UBAP2: variants seen among roughly 807,000 people sequenced by gnomAD.
The protein encoded by UBAP2 is ubiquitin associated protein 2.
A neutral mutation model predicts 139.6 loss-of-function variants in UBAP2; 75 were observed. That is an observed-to-expected ratio of 0.54 (90% confidence interval 0.45 to 0.65). The LOEUF (loss-of-function observed/expected upper bound fraction) is 0.65, where lower values mean the gene tolerates loss of function less well. Ranked by LOEUF, UBAP2 falls within the 30% of genes least tolerant of loss-of-function variation. The probability of loss-of-function intolerance (pLI) is 0.00; values close to 1 mark genes in which losing one functional copy is unlikely to be tolerated. For synonymous variants in UBAP2, 526 were observed against 526.2 expected, an observed-to-expected ratio of 1.00 and a Z score of 0.01; for missense variants, 1,368 against 1,369.6, an observed-to-expected ratio of 1.00 and a Z score of 0.02.
chr9:33,981,413 T>C, intron 6 of UBAP2, among the ~76,000 whole-genome samples: 1 of 150,618 alleles, frequency 6.6e-6, no homozygotes, highest in Non-Finnish European at 1.5e-5. Context: ...TGGAGTGTAG[T>C]GGCACAATCA....
chr9:33,926,943 G>A (rs1339217595), intron 21 of UBAP2, 46 bp downstream of exon 21: 10 of 1,587,516 alleles, frequency 6.3e-6, no homozygotes, highest in East Asian at 2.2e-5. Flanking sequence ...GCCAGCCCCC[G>A]AGGCCAGGGG....
At chr9:33,939,013 T>C (rs1824847008) in intron 16 of UBAP2, 2 of 392,506 alleles carry the variant, frequency 5.1e-6, no homozygotes, top group South Asian at 1.9e-5. Flanking sequence ...CACAAATATT[T>C]TTCTAAATGT....
chr9:34,003,291 A>G (rs536866755), intron 2 of UBAP2, among the ~76,000 whole-genome samples: 98 of 151,910 alleles, frequency 6.5e-4, no homozygotes, highest in Non-Finnish European at 1.3e-3. Flanking sequence ...TTGGCCACCC[A>G]AAGTGCTGGG....
chr9:34,021,831 A>G (rs180993832), intron 1 of UBAP2, among the ~76,000 whole-genome samples: 9 of 152,196 alleles, frequency 5.9e-5, no homozygotes, highest in Middle Eastern at 3.4e-3. Context: ...ATGGGGTCTC[A>G]ACTTGTTGGT....
chr9:33,968,231 T>C (rs906664408), intron 8 of UBAP2: 7 of 621,076 alleles, frequency 1.1e-5, no homozygotes, highest in East Asian at 7.8e-5. Context: ...ACCTAAACCC[T>C]CCATTGTAAA....
At chr9:33,936,757 T>G (rs1264839541) in intron 16 of UBAP2, among the ~76,000 whole-genome samples, 1 of 151,730 alleles carries the variant, frequency 6.6e-6, no homozygotes, top group Non-Finnish European at 1.5e-5. Flanking sequence ...TGCCAGTAAA[T>G]TAACAACTTA....
chr9:33,971,618 A>T, intron 8 of UBAP2, 33 bp downstream of exon 8: 2 of 1,234,332 alleles, frequency 1.6e-6, no homozygotes, highest in Non-Finnish European at 2.4e-6. Flanking sequence ...TCAAACATTT[A>T]AAACTCATCT....
At chr9:33,976,355 TA>T (rs1280939128) in intron 6 of UBAP2, among the ~76,000 whole-genome samples, 2 of 152,230 alleles carry the variant, frequency 1.3e-5, no homozygotes, top group African/African-American at 4.8e-5. Flanking sequence ...GATGAATGTT[TA>T]AAACATTAAG....
At chr9:34,009,806 CTTTTTTT>C (rs201452836) in intron 2 of UBAP2, among the ~76,000 whole-genome samples, 1 of 129,814 alleles carries the variant, frequency 7.7e-6, no homozygotes, top group Non-Finnish European at 1.7e-5. Flanking sequence ...CTTATATTTC[CTTTTTTT>C]TTTTTTTTTT....
At chr9:33,923,700 A>T in intron 24 of UBAP2, 95 bp downstream of exon 24, 1 of 1,366,358 alleles carries the variant, frequency 7.3e-7, no homozygotes, top group East Asian at 2.3e-5. Flanking sequence ...GAGTGGAATC[A>T]CAACCCTCCC....
In UBAP2 at chr9:34,002,987, C is replaced by G. The variant is rs555436254; in HGVS notation, c.100-4123G>C. Among the ~76,000 whole-genome samples, 34 of 152,180 alleles carry G rather than the reference C, an allele frequency of 2.2e-4. No individual in the cohort carries two copies. The East Asian group carries it at 6.2e-3, about 28-fold the overall frequency. On this transcript the variant is annotated intron_variant, in intron 2 of 28. Transcript: ENST00000379238. ...ACAGGCATAAACCACAGTGCCCGGC[C>G]TATATCTTTCTTACTCTGCAAATTT...
At chr9:33,997,230 T>C (rs1587633481) in intron 3 of UBAP2, 1 of 152,350 alleles carries the variant, frequency 6.6e-6, no homozygotes, top group African/African-American at 2.4e-5. Context: ...TAGCAAGAGA[T>C]ACTTGTTACT....
chr9:33,933,307 T>C (rs1028158490), intron 18 of UBAP2, among the ~76,000 whole-genome samples, 183 bp downstream of exon 18: 1 of 152,100 alleles, frequency 6.6e-6, no homozygotes, highest in African/African-American at 2.4e-5. Flanking sequence ...GCAGGCAAGG[T>C]TTCCATATCT....
intron 10 of UBAP2, 38 bp downstream of exon 10, chr9:33,960,788 A>G: frequency 1.3e-6 from 2 of 1,588,570 alleles, no homozygotes; most frequent in Admixed American, 3.7e-5. Context: ...TTCAAAAAAA[A>G]AAAAAAAGAA....
At chr9:34,018,992 C>T (rs1432162527) in intron 1 of UBAP2, among the ~76,000 whole-genome samples, 1 of 152,082 alleles carries the variant, frequency 6.6e-6, no homozygotes, top group Non-Finnish European at 1.5e-5. Flanking sequence ...CAAAATGTGA[C>T]ATATATACAC....
At chr9:33,924,399 G>A in intron 22 of UBAP2, 115 bp from the exon 23 acceptor site, 1 of 1,023,304 alleles carries the variant, frequency 9.8e-7, no homozygotes, top group South Asian at 1.4e-5. Flanking sequence ...CCATGCCTGA[G>A]AGCCAGCAGT....
chr9:33,927,934 G>A lies in UBAP2; in HGVS notation c.2234C>T (p.Ala745Val), dbSNP rs759555018. Residue 745 changes from alanine to valine, a missense_variant, in exon 20 of 29, where the codon GCG (alanine) becomes GTG (valine). Physicochemically the swap from Ala to Val is moderately conservative, Grantham distance 64. Coordinates refer to ENST00000379238, the MANE Select transcript of UBAP2 (RefSeq NM_001370062.2). ...GGATGCGGAACTTGAGACGGAGGTC[G>A]CTGCCGTGGAGAAGGTGGCTGAGGA... is the stretch of plus-strand genomic sequence containing the variant. ...HQSSATFSTA[A>V]TSVSSSASSG... 61 of 1,614,074 alleles carry A rather than the reference G, an allele frequency of 3.8e-5. No homozygotes were observed. The highest frequency in any genetic ancestry group is 6.6e-5 in the South Asian group (6 of 91,084).
At chr9:33,945,861 C>T (rs1027402177) in intron 13 of UBAP2, among the ~76,000 whole-genome samples, 2 of 152,116 alleles carry the variant, frequency 1.3e-5, no homozygotes, top group African/African-American at 2.4e-5. Context: ...AAATCTTATG[C>T]TATTAAAAGC....
At chr9:33,924,624 G>A (rs1184192942) in intron 22 of UBAP2, among the ~76,000 whole-genome samples, 1 of 152,194 alleles carries the variant, frequency 6.6e-6, no homozygotes, top group Admixed American at 6.5e-5. Context: ...TGAGAGACTA[G>A]AGCAGCTAGG....
Sources: gnomAD v4.1 joint callset for allele counts (sites outside exome capture counted in the v4.1 genomes callset) on GRCh38, gnomAD v4.1.1 for gene constraint, MANE v1.5 for transcripts, NCBI Gene and HGNC (gene_info 2026-07-23, HGNC 2026-07-21) for gene names.